Variants in URB1 observed in about 807,000 individuals in gnomAD.
The protein encoded by URB1 is URB1 ribosome biogenesis factor, also known as nucleolar pre-ribosomal-associated protein 1.
URB1 carries 197 observed loss-of-function variants against 242.3 expected under a neutral mutation model. The ratio of observed to expected loss-of-function variants is 0.81; its 90% CI spans 0.72 to 0.91. The LOEUF (loss-of-function observed/expected upper bound fraction) is 0.91, where lower values mean the gene tolerates loss of function less well. Ranked by LOEUF, URB1 falls within the 40% of genes least tolerant of loss-of-function variation. The pLI is 0.00. For missense variants in URB1, 2,721 were observed against 2,860.5 expected, an observed-to-expected ratio of 0.95 and a Z score of 1.11; for synonymous variants, 1,153 against 1,201.8, an observed-to-expected ratio of 0.96 and a Z score of 0.84.
chr21:32,355,111 T>A, intron 16 of URB1, 114 bp from the exon 17 acceptor site: 1 of 1,293,560 alleles, frequency 7.7e-7, no homozygotes, highest in East Asian at 2.6e-5. Flanking sequence ...CAATCCTTAA[T>A]TAGAATAGTT....
chr21:32,361,409 G>A (rs765902832), intron 12 of URB1, among the ~76,000 whole-genome samples: 14 of 152,180 alleles, frequency 9.2e-5, no homozygotes, highest in Non-Finnish European at 1.6e-4. Flanking sequence ...TGTGACCTTA[G>A]ACAGGTTCTG....
intron 12 of URB1, 40 bp downstream of exon 12, chr21:32,361,852 T>A (rs780940350): frequency 6.5e-7 from 1 of 1,544,850 alleles, no homozygotes; most frequent in Non-Finnish European, 8.7e-7. Flanking sequence ...CTCTGTCCCA[T>A]GCAAAAGGCA....
At chr21:32,385,243 T>C (rs752759988) in intron 2 of URB1, among the ~76,000 whole-genome samples, 4 of 152,210 alleles carry the variant, frequency 2.6e-5, no homozygotes, top group Non-Finnish European at 5.9e-5. Flanking sequence ...TGACACCACA[T>C]GTTTATGTGT....
intron 19 of URB1, among the ~76,000 whole-genome samples, chr21:32,351,885 G>A (rs575152070): frequency 9.3e-4 from 141 of 152,288 alleles, no homozygotes; most frequent in African/African-American, 3.2e-3. Flanking sequence ...TCCTGACTCC[G>A]CCACTGACTG....
At chr21:32,318,318 C>G (rs536193470) in intron 36 of URB1, among the ~76,000 whole-genome samples, 4 of 152,140 alleles carry the variant, frequency 2.6e-5, no homozygotes, top group Admixed American at 2.0e-4. Flanking sequence ...GACAGTGTCA[C>G]CACCCACGGC....
intron 25 of URB1, 127 bp from the exon 26 acceptor site, chr21:32,339,027 T>C (rs2032997723): frequency 1.7e-5 from 18 of 1,042,348 alleles, no homozygotes; most frequent in Non-Finnish European, 2.4e-5. Context: ...GTCTCATTCA[T>C]TCTATTGCCC....
intron 10 of URB1, among the ~76,000 whole-genome samples, chr21:32,365,481 AAAAAT>A (rs1188818213): frequency 2.0e-5 from 3 of 151,998 alleles, no homozygotes; most frequent in Non-Finnish European, 4.4e-5. Context: ...AATAAAAAAT[AAAAAT>A]AAATAAAAAA....
intron 30 of URB1, among the ~76,000 whole-genome samples, chr21:32,332,683 T>A (rs772313155): frequency 2.0e-5 from 3 of 151,476 alleles, no homozygotes; most frequent in Non-Finnish European, 1.5e-5. Flanking sequence ...GATGTGCAGA[T>A]AGCAAATAAG....
intron 10 of URB1, among the ~76,000 whole-genome samples, chr21:32,366,151 G>A (rs1043781807): frequency 6.6e-6 from 1 of 151,954 alleles, no homozygotes; most frequent in Non-Finnish European, 1.5e-5. Context: ...AAAACAGCTG[G>A]CCTTCAAAGT....
chr21:32,361,935 T>C lies in URB1; in HGVS notation c.1596A>G (p.Lys532=). The C allele has an allele frequency of 6.4e-7, 1 of 1,551,518 alleles. No homozygotes were observed. Among genetic ancestry groups the C allele is most frequent in the Non-Finnish European group, 8.7e-7 (1 of 1,146,868 alleles). ...ETKQDDKKGQ[K]RSDGPPAACD... The stretch of plus-strand genomic sequence containing the variant: ...AGGCAGCCGGGGGCCCATCGCTCCT[T>C]TTCTGCCCTTTCTTGTCATCCTGTT... Residue 532 remains lysine (K), a synonymous_variant, in exon 12 of 39, where the codon AAA becomes AAG. Transcript: ENST00000382751.
At chr21:32,360,751 C>T (rs980638531) in intron 13 of URB1, among the ~76,000 whole-genome samples, 1 of 152,186 alleles carries the variant, frequency 6.6e-6, no homozygotes, top group African/African-American at 2.4e-5. Context: ...GATTTGTGGG[C>T]CATTCATGTA....
At position 32,361,127 on chromosome 21, in the gene URB1, C is replaced by T. The variant is rs2033278408; in HGVS notation, c.1640-4G>A. 1.7e-6 allele frequency: 2 copies of T among 1,148,354 alleles called. No homozygotes were observed. Among genetic ancestry groups the T allele is most frequent in the South Asian group, 4.9e-5 (2 of 40,690 alleles). 71.1% of individuals were successfully genotyped at this position (1,148,354 alleles called of 1,614,324 possible). The stretch of plus-strand genomic sequence containing the variant: ...AAAAGAATGGTTTCTGCATCATCTG[C>T]ACAAAAAAAAGAAAAAGAAAGAAAA... On this transcript the variant is annotated splice_polypyrimidine_tract_variant and splice_region_variant and intron_variant, in intron 12 of 38. Coordinates refer to ENST00000382751, the MANE Select transcript of URB1 (RefSeq NM_014825.3).
rs560320140 is a variant in URB1 at position 32,334,348 on chromosome 21, A to G, written c.4686-14T>C. On this transcript the variant is annotated splice_polypyrimidine_tract_variant and intron_variant, in intron 28 of 38. Transcript: ENST00000382751. Reference sequence around the variant, plus strand: ...CACAGCAGCACCCTAGAGCCAGAAAAGGGAAAAGAGACTGGTCACAGAGCC... The same window carrying G: ...CACAGCAGCACCCTAGAGCCAGAAAGGGGAAAAGAGACTGGTCACAGAGCC... 3.9e-6 allele frequency: 6 copies of G among 1,534,590 alleles called. No homozygotes were observed. The South Asian group carries it at 4.8e-5, about 12-fold the overall frequency.
In URB1 at chr21:32,373,765, T is replaced by G; in HGVS notation, c.758A>C (p.His253Pro). The G allele has an allele frequency of 6.5e-7, 1 of 1,533,562 alleles. No homozygotes were observed. Among genetic ancestry groups the G allele is most frequent in the Non-Finnish European group, 8.8e-7 (1 of 1,141,780 alleles). The allele number at this position is 1,533,562 out of a possible 1,614,324, so 95.0% of individuals were successfully genotyped here. The change falls in exon 7 of 39, where the codon CAC (histidine) becomes CCC (proline). Residue 253 changes from histidine (H) to proline (P), a missense_variant. His to Pro is a moderately conservative substitution (Grantham distance 77, BLOSUM62 -2). Transcript: ENST00000382751. ...LLSTLKTKVVHNKNITKTQKV... is the reference protein window; with the variant it reads ...LLSTLKTKVVPNKNITKTQKV... ...CTGGGTTTTTGTGATATTTTTATTG[T>G]GAACTACCTGAAACAATAATAAAAC...
chr21:32,322,123 A>G (rs936391171), intron 33 of URB1, among the ~76,000 whole-genome samples, 179 bp from the exon 34 acceptor site: 1 of 152,234 alleles, frequency 6.6e-6, no homozygotes, highest in African/African-American at 2.4e-5. Context: ...CAGGTCAGAA[A>G]TAGAGGATCG....
In URB1 at chr21:32,375,260, G is replaced by A; in HGVS notation, c.750+138C>T. 6.1e-6 allele frequency: 3 copies of A among 495,244 alleles called. No homozygotes were observed. In the South Asian group the frequency reaches 1.6e-4, roughly 26 times the overall value. 30.7% of individuals were successfully genotyped at this position (495,244 alleles called of 1,614,324 possible). On this transcript the variant is annotated intron_variant, in intron 6 of 38. Transcript: ENST00000382751. Reference sequence around the variant, plus strand: ...CAACAAGAACAAGTTTCTGCTTAGGGAAGAGTTTTCCACTCAACCAATACA... The same window carrying A: ...CAACAAGAACAAGTTTCTGCTTAGGAAAGAGTTTTCCACTCAACCAATACA...
At chr21:32,348,263 T>C (rs893610962) in intron 21 of URB1, among the ~76,000 whole-genome samples, 2 of 152,160 alleles carry the variant, frequency 1.3e-5, no homozygotes, top group African/African-American at 4.8e-5. Context: ...CCTAGATAAA[T>C]CTGGTTGAGG....
chr21:32,366,665 T>TGG lies in URB1; in HGVS notation c.1286_1287dup (p.Thr430ProfsTer16). 1 of 1,551,438 alleles carries TGG rather than the reference T, an allele frequency of 6.4e-7. No homozygotes were observed. The highest frequency in any genetic ancestry group is 8.7e-7 in the Non-Finnish European group (1 of 1,146,818). On this transcript the variant is annotated frameshift_variant, in exon 10 of 39. Coordinates refer to ENST00000382751, the MANE Select transcript of URB1 (RefSeq NM_014825.3). LOFTEE classifies it high-confidence loss of function. ...CTCTTATTGCACACCAGGGGCACGG[T>TGG]GGTCACCATCACCATTGCCAGGAGC... is the stretch of plus-strand genomic sequence containing the variant.
intron 11 of URB1, 134 bp downstream of exon 11, chr21:32,363,022 C>T: frequency 8.5e-7 from 1 of 1,175,892 alleles, no homozygotes. Flanking sequence ...ACCCACGCTA[C>T]CACACTGCCC....
Sources: allele counts gnomAD v4.1 joint callset (sites outside exome capture counted in the v4.1 genomes callset), GRCh38; gene constraint gnomAD v4.1.1; transcripts MANE v1.5; gene names NCBI Gene and HGNC (gene_info 2026-07-23, HGNC 2026-07-21).